TCF12: variants seen among roughly 807,000 people sequenced by gnomAD.
The protein encoded by TCF12 is DNA-binding protein HTF4.
TCF12 carries 45 observed loss-of-function variants against 86.0 expected under a neutral mutation model. The ratio of observed to expected loss-of-function variants is 0.52; its 90% CI spans 0.41 to 0.67. The LOEUF is 0.67. Among genes scored for constraint, TCF12 ranks in the 30% least tolerant of loss-of-function variants. The probability of loss-of-function intolerance (pLI) is 0.00; values close to 1 mark genes in which losing one functional copy is unlikely to be tolerated. For missense variants in TCF12, 881 were observed against 859.9 expected, an observed-to-expected ratio of 1.02 and a Z score of -0.31; for synonymous variants, 330 against 299.6, an observed-to-expected ratio of 1.10 and a Z score of -1.05.
intron 5 of TCF12, among the ~76,000 whole-genome samples, chr15:57,121,219 G>T (rs890583367): frequency 1.3e-5 from 2 of 152,174 alleles, no homozygotes; most frequent in Non-Finnish European, 2.9e-5. Context: ...CTAGGACAAA[G>T]ATGAAGCTTA....
rs138654744 is a variant in TCF12, at chr15:56,929,486, G to GT, written c.148+8397dup. ...TGTAATTTTTATAGAGAGAGCTTTGGTTTTTTTTTGTTCCATGTTTAAAAT... is the reference window on the plus strand; with the variant it reads ...TGTAATTTTTATAGAGAGAGCTTTGGTTTTTTTTTTGTTCCATGTTTAAAAT... On this transcript the variant is annotated intron_variant, in intron 3 of 20. Transcript: ENST00000333725. Among the ~76,000 whole-genome samples the GT allele has an allele frequency of 2.5e-4, 37 of 150,932 alleles. 1 individual carries two copies. Among genetic ancestry groups the GT allele is most frequent in the Admixed American group, 8.6e-4 (13 of 15,142 alleles).
At chr15:56,946,798 C>CCTT (rs2061018263) in intron 3 of TCF12, among the ~76,000 whole-genome samples, 2 of 113,548 alleles carry the variant, frequency 1.8e-5, no homozygotes, top group African/African-American at 3.1e-5. Flanking sequence ...TCTAAAGTAC[C>CCTT]TTTTTTTTTT....
At chr15:57,068,780 G>C (rs1179083267) in intron 4 of TCF12, among the ~76,000 whole-genome samples, 1 of 152,116 alleles carries the variant, frequency 6.6e-6, no homozygotes, top group African/African-American at 2.4e-5. Flanking sequence ...AACTTGTACT[G>C]TGTGACCATG....
intron 8 of TCF12, among the ~76,000 whole-genome samples, chr15:57,230,895 G>A (rs1475873456): frequency 6.6e-6 from 1 of 151,540 alleles, no homozygotes; most frequent in African/African-American, 2.4e-5. Flanking sequence ...TGGTGTAACT[G>A]TCATACCAAG....
chr15:57,041,974 G>A (rs1477156382), intron 3 of TCF12, among the ~76,000 whole-genome samples: 1 of 152,080 alleles, frequency 6.6e-6, no homozygotes, highest in African/African-American at 2.4e-5. Context: ...CCTAAGCCTT[G>A]GATTGGGACC....
chr15:57,290,613 G>T (rs2062061386), downstream of TCF12, among the ~76,000 whole-genome samples: 1 of 152,246 alleles, frequency 6.6e-6, no homozygotes, highest in Non-Finnish European at 1.5e-5. Flanking sequence ...GCTGCCTGCA[G>T]TTCTGAAGAA....
Position 57,289,279 on chromosome 15 carries a change from A to C in TCF12, c.*3134A>C. The C allele has an allele frequency of 6.6e-6, 1 of 152,228 alleles. No individual in the cohort carries two copies. The highest frequency in any genetic ancestry group is 2.4e-5 in the African/African-American group (1 of 41,464). The allele number at this position is 152,228 out of a possible 1,614,324, so 9.4% of individuals were successfully genotyped here. A position where few individuals can be genotyped will look rare whatever the true frequency, so the allele number is the denominator to read the frequency against. ...TAAGTTGATTTTATACAAAACGATA[A>C]ATAAAAAGCTCTAAGAAGAAAATGT... On this transcript the variant is annotated 3_prime_UTR_variant, in exon 21 of 21. Coordinates refer to ENST00000333725, the MANE Select transcript of TCF12 (RefSeq NM_207037.2).
At chr15:57,242,797 C>T (rs765743854) in intron 12 of TCF12, among the ~76,000 whole-genome samples, 7 of 152,058 alleles carry the variant, frequency 4.6e-5, no homozygotes, top group Non-Finnish European at 8.8e-5. Flanking sequence ...TTTATGCATC[C>T]GATAATTTAT....
At chr15:57,199,891 G>T (rs1395250148) in intron 8 of TCF12, among the ~76,000 whole-genome samples, 1 of 151,836 alleles carries the variant, frequency 6.6e-6, no homozygotes, top group African/African-American at 2.4e-5. Context: ...GTTTTATTTT[G>T]GTTTTTTTGA....
chr15:57,249,342 G>A (rs1227104632), intron 13 of TCF12, among the ~76,000 whole-genome samples: 1 of 151,738 alleles, frequency 6.6e-6, no homozygotes, highest in Admixed American at 6.6e-5. Context: ...GTTGATTTAT[G>A]ATTACATTTG....
intron 5 of TCF12, among the ~76,000 whole-genome samples, chr15:57,114,306 G>T (rs1296630432): frequency 2.0e-5 from 3 of 152,032 alleles, no homozygotes; most frequent in South Asian, 2.1e-4. Flanking sequence ...GTAATTGTTT[G>T]TTGAGACAGG....
At chr15:57,100,442 T>TA (rs1555505359) in intron 5 of TCF12, among the ~76,000 whole-genome samples, 1 of 150,040 alleles carries the variant, frequency 6.7e-6, no homozygotes, top group African/African-American at 2.5e-5. Flanking sequence ...TTTTTTTTTT[T>TA]AGTAGAGATG....
chr15:57,099,542 C>A (rs1190431768), intron 5 of TCF12, among the ~76,000 whole-genome samples: 1 of 151,876 alleles, frequency 6.6e-6, no homozygotes, highest in African/African-American at 2.4e-5. Context: ...TTAGAGTAAA[C>A]AAAGAATTAG....
Position 57,012,161 on chromosome 15 carries a change from T to C in TCF12, c.149-51589T>C, listed in dbSNP as rs1262124758. The stretch of plus-strand genomic sequence containing the variant: ...TTACATGGGGAATTTCTATTCTGAT[T>C]AGAAATTAAAATATAAAAACCACAT... On this transcript the variant is annotated intron_variant, in intron 3 of 20. Coordinates refer to ENST00000333725, the MANE Select transcript of TCF12 (RefSeq NM_207037.2). Among the ~76,000 whole-genome samples, 3 of 152,278 alleles carry C rather than the reference T, an allele frequency of 2.0e-5. No individual in the cohort carries two copies. The South Asian group carries it at 6.2e-4, about 32-fold the overall frequency.
chr15:57,181,176 C>T (rs1456506345), intron 6 of TCF12, among the ~76,000 whole-genome samples: 1 of 152,042 alleles, frequency 6.6e-6, no homozygotes. Context: ...TTATGAGTGG[C>T]TTGGCGTTTA....
intron 13 of TCF12, among the ~76,000 whole-genome samples, chr15:57,244,843 A>G (rs1345183543): frequency 6.6e-6 from 1 of 152,010 alleles, no homozygotes; most frequent in Non-Finnish European, 1.5e-5. Context: ...AAATTTGTGG[A>G]GACATGATTG....
intron 3 of TCF12, among the ~76,000 whole-genome samples, chr15:57,031,972 G>A (rs1263667076): frequency 6.6e-6 from 1 of 152,144 alleles, no homozygotes; most frequent in Admixed American, 6.5e-5. Context: ...GTTCCAAGAG[G>A]CAGAGCCAAA....
intron 17 of TCF12, 124 bp from the exon 18 acceptor site, chr15:57,262,988 A>G (rs2060659645): frequency 1.0e-6 from 1 of 966,996 alleles, no homozygotes; most frequent in Non-Finnish European, 1.5e-6. Context: ...TACATCTTCA[A>G]ACCTCCATCA....
rs111986661 is a variant in TCF12 at position 57,009,190 on chromosome 15, C to T, written c.149-54560C>T. Among the ~76,000 whole-genome samples the T allele has an allele frequency of 1.4e-4, 22 of 152,156 alleles. 4 individuals carry two copies. The highest frequency in any genetic ancestry group is 5.3e-4 in the African/African-American group (22 of 41,504). ...AGGGTATGATCCTGGCTTACTGCAC[C>T]CTCTGCCTCCAGGGCTCAAGCAGTC... On this transcript the variant is annotated intron_variant, in intron 3 of 20. Transcript: ENST00000333725.
Sources: gnomAD v4.1 joint callset for allele counts (sites outside exome capture counted in the v4.1 genomes callset) on GRCh38, gnomAD v4.1.1 for gene constraint, MANE v1.5 for transcripts, NCBI Gene and HGNC (gene_info 2026-07-23, HGNC 2026-07-21) for gene names.